RPAIN: variants seen among roughly 807,000 people sequenced by gnomAD.
RPAIN encodes RPA interacting protein.
In RPAIN, 29 loss-of-function variants were observed where a neutral mutation model predicts 30.5. The ratio of observed to expected loss-of-function variants is 0.95; its 90% CI spans 0.71 to 1.30. The LOEUF is 1.30. RPAIN is among the 50% of genes most tolerant of loss of function. RPAIN has a pLI of 0.00. For synonymous variants in RPAIN, 101 were observed against 93.5 expected (o/e 1.08, Z -0.46); for missense variants, 247 against 264.7 (o/e 0.93, Z 0.46).
intron 1 of RPAIN, 139 bp from the exon 2 acceptor site, chr17:5,421,157 A>G: frequency 1.3e-6 from 1 of 782,798 alleles, no homozygotes; most frequent in Non-Finnish European, 2.0e-6. Flanking sequence ...AGGAATATGC[A>G]AAAGTAACAC....
chr17:5,428,278 T>C, intron 6 of RPAIN, 67 bp downstream of exon 6: 1 of 1,611,740 alleles, frequency 6.2e-7, no homozygotes, highest in East Asian at 2.2e-5. Flanking sequence ...CCCACCTTGA[T>C]AGAAATAATG....
At chr17:5,428,858 C>T (rs1915654323) in intron 6 of RPAIN, 1 of 986,802 alleles carries the variant, frequency 1.0e-6, no homozygotes. Flanking sequence ...GCAGGGGGAG[C>T]CTTGGGATTA....
chr17:5,426,882 T>A (rs1428380496), intron 5 of RPAIN: 1 of 152,060 alleles, frequency 6.6e-6, no homozygotes, highest in Non-Finnish European at 1.5e-5. Flanking sequence ...GACTTCGTGA[T>A]CCACCCACTT....
intron 6 of RPAIN, chr17:5,432,098 T>C: frequency 4.6e-6 from 1 of 217,510 alleles, no homozygotes; most frequent in South Asian, 7.5e-5. Flanking sequence ...ATCATGTCTT[T>C]ACATGTTTTC....
Position 5,424,515 on chromosome 17 carries a change from T to C in RPAIN, c.314-1456T>C, listed in dbSNP as rs530418431. Among the ~76,000 whole-genome samples the C allele has an allele frequency of 2.0e-5, 3 of 152,308 alleles. No individual in the cohort carries two copies. The South Asian group carries it at 6.2e-4, about 32-fold the overall frequency. On this transcript the variant is annotated intron_variant, in intron 3 of 6. Coordinates refer to ENST00000381209, the MANE Select transcript of RPAIN (RefSeq NM_001033002.4). The stretch of plus-strand genomic sequence containing the variant: ...GCTTAAATAACGTGTGTAGAAGACT[T>C]AGTGCATTGTCTGGCATATAGAGAG...
intron 2 of RPAIN, 50 bp from the exon 3 acceptor site, chr17:5,422,719 G>A (rs1177502961): frequency 1.3e-6 from 2 of 1,540,286 alleles, no homozygotes; most frequent in Non-Finnish European, 1.8e-6. Context: ...TGTGGGGCTT[G>A]GTTGGTGATT....
chr17:5,431,171 G>A (rs1915875239), intron 6 of RPAIN: 1 of 323,458 alleles, frequency 3.1e-6, no homozygotes, highest in Admixed American at 4.5e-5. Flanking sequence ...GGTAAGTGAG[G>A]GGAGGTGGGG....
At chr17:5,425,502 T>C (rs1049279663) in intron 3 of RPAIN, 50 of 363,920 alleles carry the variant, frequency 1.4e-4, no homozygotes, top group African/African-American at 4.9e-4. Context: ...GCCTGGCTAA[T>C]TTTTTGTGTT....
At chr17:5,421,533 T>TAA in intron 2 of RPAIN, 67 bp downstream of exon 2, 1 of 1,476,306 alleles carries the variant, frequency 6.8e-7, no homozygotes, top group East Asian at 2.3e-5. Context: ...TGTCCTCTTT[T>TAA]ATTTGTTTAC....
At chr17:5,423,600 C>T (rs1915082196) in intron 3 of RPAIN, among the ~76,000 whole-genome samples, 1 of 152,190 alleles carries the variant, frequency 6.6e-6, no homozygotes, top group Non-Finnish European at 1.5e-5. Flanking sequence ...TTGCCCTATT[C>T]ATTTTAAGTG....
At chr17:5,427,812 CTG>C (rs1267541113) in intron 5 of RPAIN, 5 of 497,266 alleles carry the variant, frequency 1.0e-5, no homozygotes, top group Non-Finnish European at 1.8e-5. Flanking sequence ...CCTACAATCT[CTG>C]AGCGTTCTTC....
intron 2 of RPAIN, 87 bp downstream of exon 2, chr17:5,421,553 C>A: frequency 8.2e-7 from 1 of 1,212,230 alleles, no homozygotes. Context: ...CTTGAGTCCT[C>A]TAAACCCACC....
chr17:5,426,143 G>A (rs1173371319), intron 4 of RPAIN, 61 bp downstream of exon 4: 9 of 1,560,092 alleles, frequency 5.8e-6, no homozygotes, highest in Non-Finnish European at 8.0e-6. Flanking sequence ...CAAGGTGAGT[G>A]GAATCTCCCC....
At chr17:5,432,112 C>G (rs76495762) in intron 6 of RPAIN, 12,556 of 225,014 alleles carry the variant, frequency 0.056, 417 homozygotes, top group Non-Finnish European at 0.068. Context: ...TGTTTTCTGC[C>G]CGTACTGATC....
intron 2 of RPAIN, 78 bp from the exon 3 acceptor site, chr17:5,422,691 C>G (rs1211056716): frequency 1.5e-6 from 2 of 1,353,948 alleles, no homozygotes; most frequent in Admixed American, 1.7e-5. Flanking sequence ...TTCAAGCCAG[C>G]CTCCAAGTAT....
In RPAIN at chr17:5,429,742, G is replaced by C; in HGVS notation, c.630+1531G>C. 3.0e-6 allele frequency: 3 copies of C among 985,510 alleles called. No individual in the cohort carries two copies. In the South Asian group the frequency reaches 1.4e-4, roughly 46 times the overall value. 61.0% of individuals were successfully genotyped at this position (985,510 alleles called of 1,614,324 possible). A position where few individuals can be genotyped will look rare whatever the true frequency, so the allele number is the denominator to read the frequency against. ...AAATATGCAGTGCTTTCAGGCCTCT[G>C]TGCTGTTGTTTAGGCTGTTCTGTCT... On this transcript the variant is annotated intron_variant, in intron 6 of 6. Transcript: ENST00000381209.
rs183116896 is a variant in RPAIN, at chr17:5,422,918, C to G, written c.313+89C>G. On this transcript the variant is annotated intron_variant, in intron 3 of 6. Transcript: ENST00000381209. ...CCAATCAGGATTAGTTTATAAGTCC[C>G]CTTTGTCTACCTCCATCAGTCAAGT... 6.1e-4 allele frequency: 610 copies of G among 992,818 alleles called. 2 individuals carry two copies. The highest frequency in any genetic ancestry group is 3.9e-3 in the Admixed American group (203 of 51,626). The allele number at this position is 992,818 out of a possible 1,614,324, so 61.5% of individuals were successfully genotyped here.
chr17:5,430,350 C>A (rs1473799205), intron 6 of RPAIN: 1 of 149,702 alleles, frequency 6.7e-6, no homozygotes, highest in African/African-American at 2.5e-5. Context: ...ACCTGTAATC[C>A]CAGCTACTCG....
In RPAIN at chr17:5,429,756, G is replaced by C. The variant is rs1217377755; in HGVS notation, c.630+1545G>C. 5 of 985,352 alleles carry C rather than the reference G, an allele frequency of 5.1e-6. No homozygotes were observed. The African/African-American group carries it at 8.7e-5, about 17-fold the overall frequency. The allele number at this position is 985,352 out of a possible 1,614,324, so 61.0% of individuals were successfully genotyped here. On this transcript the variant is annotated intron_variant, in intron 6 of 6. Transcript: ENST00000381209. ...TTCAGGCCTCTGTGCTGTTGTTTAG[G>C]CTGTTCTGTCTGAATGACTTTGACT... is the stretch of plus-strand genomic sequence containing the variant.
Sources: allele counts gnomAD v4.1 joint callset (sites outside exome capture counted in the v4.1 genomes callset), GRCh38; gene constraint gnomAD v4.1.1; transcripts MANE v1.5; gene names NCBI Gene and HGNC (gene_info 2026-07-23, HGNC 2026-07-21).